Variants in TRDN observed in about 807,000 individuals in gnomAD.
TRDN encodes triadin in skeletal muscle.
TRDN carries 161 observed loss-of-function variants against 149.7 expected under a neutral mutation model. That is an observed-to-expected ratio of 1.08 (90% CI 0.95 to 1.23). The LOEUF is 1.23. Ranked by LOEUF, TRDN falls within the 50% of genes most tolerant of loss-of-function variation. The pLI is 0.00. For synonymous variants in TRDN, 294 were observed against 250.5 expected, an observed-to-expected ratio of 1.17 and a Z score of -1.64; for missense variants, 896 against 823.5, an observed-to-expected ratio of 1.09 and a Z score of -1.08.
intron 12 of TRDN, among the ~76,000 whole-genome samples, chr6:123,436,435 C>T (rs1237704888): frequency 6.6e-6 from 1 of 152,122 alleles, no homozygotes; most frequent in East Asian, 1.9e-4. Flanking sequence ...ATCCTTCTTG[C>T]TCATTTCATG....
chr6:123,339,067 C>T (rs1779974324), intron 21 of TRDN, among the ~76,000 whole-genome samples: 1 of 151,714 alleles, frequency 6.6e-6, no homozygotes, highest in South Asian at 2.1e-4. Flanking sequence ...GGCTGGAGTG[C>T]AGTGGCGCGA....
chr6:123,218,905 C>A (rs186633757), intron 40 of TRDN, among the ~76,000 whole-genome samples, 165 bp from the exon 41 acceptor site: 240 of 152,006 alleles, frequency 1.6e-3, no homozygotes, highest in African/African-American at 5.4e-3. Context: ...TTATGTATAA[C>A]ATCAAAACAA....
intron 23 of TRDN, among the ~76,000 whole-genome samples, chr6:123,317,235 C>G (rs746985787): frequency 6.6e-6 from 1 of 151,720 alleles, no homozygotes; most frequent in Non-Finnish European, 1.5e-5. Context: ...CTTTCCTAGG[C>G]TTTATAATTA....
intron 24 of TRDN, among the ~76,000 whole-genome samples, chr6:123,302,116 T>C (rs907623312): frequency 1.9e-4 from 29 of 151,524 alleles, no homozygotes; most frequent in South Asian, 2.1e-4. Flanking sequence ...AGGATCACTA[T>C]GGGAACTTTT....
At chr6:123,570,502 A>C (rs1782514309) in intron 2 of TRDN, among the ~76,000 whole-genome samples, 1 of 152,236 alleles carries the variant, frequency 6.6e-6, no homozygotes, top group Admixed American at 6.5e-5. Flanking sequence ...GCAGGGCTTA[A>C]AAATACTTTA....
intron 5 of TRDN, among the ~76,000 whole-genome samples, chr6:123,527,874 AAT>A (rs1420293276): frequency 6.6e-6 from 1 of 151,766 alleles, no homozygotes; most frequent in Non-Finnish European, 1.5e-5. Context: ...TATAAAATAA[AAT>A]AAATTTCTAC....
intron 1 of TRDN, among the ~76,000 whole-genome samples, chr6:123,614,288 T>TAAAAAAAAAAACAAA (rs1232899684): frequency 6.7e-5 from 4 of 59,314 alleles, no homozygotes; most frequent in Admixed American, 2.0e-4. Flanking sequence ...AGTGCTTCAT[T>TAAAAAAAAAAACAAA]AAAAAAAAAA....
chr6:123,507,489 GA>G (rs1211743021), intron 7 of TRDN, among the ~76,000 whole-genome samples: 11 of 151,760 alleles, frequency 7.2e-5, no homozygotes, highest in Admixed American at 4.6e-4. Flanking sequence ...CCTCATAGTA[GA>G]AAAAAATGAG....
At chr6:123,407,326 C>T (rs534572993) in intron 12 of TRDN, among the ~76,000 whole-genome samples, 18 of 152,288 alleles carry the variant, frequency 1.2e-4, no homozygotes, top group Admixed American at 9.8e-4. Flanking sequence ...AGGGCTCTTC[C>T]CCATGCCCTT....
chr6:123,500,597 T>G (rs1477985880), intron 8 of TRDN, among the ~76,000 whole-genome samples: 1 of 152,192 alleles, frequency 6.6e-6, no homozygotes, highest in Non-Finnish European at 1.5e-5. Flanking sequence ...TCATTGTAAG[T>G]ACTTTTTCCC....
intron 39 of TRDN, among the ~76,000 whole-genome samples, chr6:123,223,517 A>T (rs910386391): frequency 2.0e-5 from 3 of 151,802 alleles, no homozygotes; most frequent in African/African-American, 4.8e-5. Flanking sequence ...TCAGAAAAAA[A>T]ATCAAGTTAG....
In TRDN at chr6:123,291,473, G is replaced by A. The variant is rs558915014; in HGVS notation, c.1511-12391C>T. The stretch of plus-strand genomic sequence containing the variant: ...CCAGCTAATCAGGAGGCTGAGGCAG[G>A]AGAATGGCATGAACCCGGGAGGCAG... On this transcript the variant is annotated intron_variant, in intron 24 of 40. Coordinates refer to ENST00000334268, the MANE Select transcript of TRDN (RefSeq NM_006073.4). 3.0e-3 allele frequency among the ~76,000 whole-genome samples: 461 copies of A among 152,080 alleles called. 2 individuals are homozygous for A. The highest frequency in any genetic ancestry group is 5.6e-3 in the Admixed American group (85 of 15,290).
At chr6:123,527,448 T>G (rs1433381678) in intron 5 of TRDN, among the ~76,000 whole-genome samples, 2 of 151,980 alleles carry the variant, frequency 1.3e-5, no homozygotes, top group African/African-American at 2.4e-5. Flanking sequence ...TATCCATTGT[T>G]GGATATAGTT....
chr6:123,224,158 A>C (rs775699530), intron 38 of TRDN, 27 bp from the exon 39 acceptor site: 2 of 1,603,554 alleles, frequency 1.2e-6, no homozygotes, highest in Admixed American at 3.4e-5. Flanking sequence ...AGGCACATAG[A>C]ATCACAGTCA....
chr6:123,382,203 T>C, intron 14 of TRDN, 56 bp from the exon 15 acceptor site: 4 of 1,217,082 alleles, frequency 3.3e-6, no homozygotes, highest in Non-Finnish European at 4.5e-6. Flanking sequence ...CAACAGCTGA[T>C]CAGCTCACAA....
chr6:123,237,275 A>C (rs1192655378), intron 38 of TRDN, among the ~76,000 whole-genome samples: 2 of 151,550 alleles, frequency 1.3e-5, no homozygotes, highest in African/African-American at 4.8e-5. Flanking sequence ...TTTGAGATGG[A>C]GTCTCGCTCT....
At chr6:123,313,055 T>C (rs1467382199) in intron 24 of TRDN, among the ~76,000 whole-genome samples, 1 of 152,064 alleles carries the variant, frequency 6.6e-6, no homozygotes, top group Non-Finnish European at 1.5e-5. Flanking sequence ...ACATATTCTT[T>C]CCTCCACTTG....
chr6:123,581,785 GA>G (rs1469707854), intron 1 of TRDN, among the ~76,000 whole-genome samples: 1 of 152,100 alleles, frequency 6.6e-6, no homozygotes, highest in Non-Finnish European at 1.5e-5. Context: ...ATGACAGAAA[GA>G]AAGCATATAT....
intron 24 of TRDN, among the ~76,000 whole-genome samples, chr6:123,307,937 G>C (rs1350384599): frequency 1.3e-5 from 2 of 151,856 alleles, no homozygotes; most frequent in African/African-American, 4.8e-5. Context: ...CTGTGGTTTG[G>C]GGTACAAATG....
Sources: gnomAD v4.1 joint callset for allele counts (sites outside exome capture counted in the v4.1 genomes callset) on GRCh38, gnomAD v4.1.1 for gene constraint, MANE v1.5 for transcripts, NCBI Gene and HGNC (gene_info 2026-07-23, HGNC 2026-07-21) for gene names.